The following TXNDC5 variants were observed in gnomAD, a reference collection of about 807,000 sequenced individuals.
The protein encoded by TXNDC5 is thioredoxin domain-containing protein 5.
TXNDC5 carries 44 observed loss-of-function variants against 52.6 expected under a neutral mutation model. The ratio of observed to expected loss-of-function variants is 0.84; its 90% CI spans 0.66 to 1.08. The LOEUF (loss-of-function observed/expected upper bound fraction) is 1.08. TXNDC5 is among the 50% of genes least tolerant of loss of function. The probability of loss-of-function intolerance (pLI) is 0.00; values close to 1 mark genes in which losing one functional copy is unlikely to be tolerated. For synonymous variants in TXNDC5, 241 were observed against 234.4 expected (o/e 1.03, Z -0.26); for missense variants, 600 against 565.5 (o/e 1.06, Z -0.62).
intron 1 of TXNDC5, chr6:7,909,755 C>G (rs1341959836): frequency 2.0e-6 from 2 of 985,804 alleles, no homozygotes; most frequent in Non-Finnish European, 2.4e-6. Flanking sequence ...AGCAACCCTC[C>G]TCTGCCCGGA....
intron 2 of TXNDC5, among the ~76,000 whole-genome samples, chr6:7,903,663 C>T (rs1226862952): frequency 3.9e-5 from 6 of 152,216 alleles, no homozygotes; most frequent in African/African-American, 1.2e-4. Context: ...TGATGGACCC[C>T]TATATTATTC....
intron 1 of TXNDC5, chr6:7,909,783 A>C: frequency 2.0e-6 from 2 of 985,932 alleles, no homozygotes; most frequent in East Asian, 2.3e-4. Context: ...TTCCTATCCC[A>C]CAAAAGACGC....
chr6:7,908,281 C>CAAAAAAAA (rs57783770), intron 1 of TXNDC5, among the ~76,000 whole-genome samples: 3 of 62,766 alleles, frequency 4.8e-5, no homozygotes, highest in Non-Finnish European at 9.5e-5. Context: ...GACTCCATCT[C>CAAAAAAAA]AAAAAAAAAA....
intron 9 of TXNDC5, among the ~76,000 whole-genome samples, chr6:7,883,652 G>A (rs1412480773): frequency 2.0e-5 from 3 of 152,156 alleles, no homozygotes; most frequent in Admixed American, 6.5e-5. Context: ...CTGCAGACCA[G>A]ACCATGAGAG....
chr6:7,888,358 C>T (rs1286470480), intron 7 of TXNDC5, among the ~76,000 whole-genome samples: 2 of 151,944 alleles, frequency 1.3e-5, no homozygotes, highest in African/African-American at 2.4e-5. Flanking sequence ...GGCCAGCAGT[C>T]GAGATTTCAT....
chr6:7,886,260 T>C (rs1759979249), intron 7 of TXNDC5, among the ~76,000 whole-genome samples: 1 of 152,150 alleles, frequency 6.6e-6, no homozygotes, highest in Admixed American at 6.5e-5. Flanking sequence ...TGCAAGTCCC[T>C]GGGTCCCAAG....
rs547110108 is a variant in TXNDC5, at chr6:7,881,843, G to C, written c.*1301C>G. ...GGGCCAAGTATCCACATCCCCTTGCGTATGGGAGGTGGGTGAAGAGTGTTG... is the reference window on the plus strand; with the variant it reads ...GGGCCAAGTATCCACATCCCCTTGCCTATGGGAGGTGGGTGAAGAGTGTTG... On this transcript the variant is annotated 3_prime_UTR_variant, in exon 10 of 10. Transcript: ENST00000379757. 1 of 152,210 alleles carries C rather than the reference G, an allele frequency of 6.6e-6. No homozygotes were observed. The highest frequency in any genetic ancestry group is 2.1e-4 in the South Asian group (1 of 4,812). The allele number at this position is 152,210 out of a possible 1,614,324, so 9.4% of individuals were successfully genotyped here. A position where few individuals can be genotyped will look rare whatever the true frequency, so the allele number is the denominator to read the frequency against.
chr6:7,904,757 A>C, intron 1 of TXNDC5, 34 bp from the exon 2 acceptor site: 1 of 1,613,896 alleles, frequency 6.2e-7, no homozygotes, highest in Non-Finnish European at 8.5e-7. Flanking sequence ...CACATTGAGT[A>C]TCAGGTCACA....
At chr6:7,885,898 T>C in intron 8 of TXNDC5, 63 bp downstream of exon 8, 1 of 1,518,180 alleles carries the variant, frequency 6.6e-7, no homozygotes, top group Non-Finnish European at 9.1e-7. Context: ...GCAGATGAGC[T>C]GAAAAACATG....
At chr6:7,907,165 C>CTTTTTT (rs55914910) in intron 1 of TXNDC5, among the ~76,000 whole-genome samples, 4,793 of 143,806 alleles carry the variant, frequency 0.033, 103 homozygotes, top group Non-Finnish European at 0.048. Context: ...TTTTTTTTCC[C>CTTTTTT]TTTTTTTTTT....
chr6:7,909,483 A>G (rs979683421), intron 1 of TXNDC5, among the ~76,000 whole-genome samples: 2 of 152,228 alleles, frequency 1.3e-5, no homozygotes, highest in African/African-American at 4.8e-5. Flanking sequence ...GTGCCAGGGT[A>G]GGGTCTCTCA....
chr6:7,886,129 G>A (rs935013159), intron 7 of TXNDC5, 86 bp from the exon 8 acceptor site: 7 of 1,220,720 alleles, frequency 5.7e-6, no homozygotes, highest in Admixed American at 2.1e-5. Context: ...ACACGAATCA[G>A]TAATTTTTTA....
chr6:7,909,934 G>C, intron 1 of TXNDC5: 1 of 986,076 alleles, frequency 1.0e-6, no homozygotes, highest in Non-Finnish European at 1.2e-6. Flanking sequence ...GTGGCCCACG[G>C]GCAGGCCGCG....
At chr6:7,889,381 C>A in intron 6 of TXNDC5, 114 bp downstream of exon 6, 2 of 833,608 alleles carry the variant, frequency 2.4e-6, no homozygotes, top group Non-Finnish European at 3.8e-6. Flanking sequence ...TTCTCCAAAC[C>A]AGTGCCCTAA....
chr6:7,885,873 G>A, intron 8 of TXNDC5, 88 bp downstream of exon 8: 1 of 1,183,210 alleles, frequency 8.5e-7, no homozygotes, highest in South Asian at 1.4e-5. Context: ...GCCCAACATT[G>A]AGTCTGGAGG....
Position 7,893,489 on chromosome 6 carries a change from C to T in TXNDC5, c.616+1617G>A, listed in dbSNP as rs368532674. 9.1e-4 allele frequency among the ~76,000 whole-genome samples: 139 copies of T among 152,342 alleles called. 1 individual carries two copies. In the South Asian group the frequency reaches 0.026, roughly 29 times the overall value. On this transcript the variant is annotated intron_variant, in intron 4 of 9. Coordinates refer to ENST00000379757, the MANE Select transcript of TXNDC5 (RefSeq NM_030810.5). ...GCAGGAAGCCACCATGGTACCTACA[C>T]GACACAGCTGTGTGGCAGTGACCCA...
chr6:7,887,136 G>A (rs778782913), intron 7 of TXNDC5, among the ~76,000 whole-genome samples: 12 of 151,980 alleles, frequency 7.9e-5, no homozygotes, highest in Non-Finnish European at 1.6e-4. Flanking sequence ...GGCCATCCCC[G>A]ACCTACAAGA....
chr6:7,910,087 G>C (rs984588022), intron 1 of TXNDC5: 1 of 986,022 alleles, frequency 1.0e-6, no homozygotes, highest in Non-Finnish European at 1.2e-6. Flanking sequence ...TCAGGAGCGC[G>C]GCGCAGGGCG....
At position 7,891,728 on chromosome 6, in the gene TXNDC5, A is replaced by T; in HGVS notation, c.625T>A (p.Phe209Ile). ...FELHVAQGDHFIKFFAPWCGH... is the reference protein window; with the variant it reads ...FELHVAQGDHIIKFFAPWCGH... ...CACCACGGAGCGAAGAACTTGATAA[A>T]GTGGTCGCCTGGAGTGGAGAGCCAA... Residue 209 changes from phenylalanine to isoleucine, a missense_variant, in exon 5 of 10, where the codon TTT becomes ATT. Transcript: ENST00000379757. The T allele has an allele frequency of 6.2e-7, 1 of 1,613,482 alleles. No homozygotes were observed. The highest frequency in any genetic ancestry group is 1.1e-5 in the South Asian group (1 of 91,038).
Sources: allele counts gnomAD v4.1 joint callset (sites outside exome capture counted in the v4.1 genomes callset), GRCh38; gene constraint gnomAD v4.1.1; transcripts MANE v1.5; gene names NCBI Gene and HGNC (gene_info 2026-07-23, HGNC 2026-07-21).